The following CYSLTR1 variants were observed in gnomAD, a reference collection of about 807,000 sequenced individuals.
CYSLTR1 encodes cysteinyl leukotriene receptor 1.
CYSLTR1 carries 1 observed loss-of-function variant against 2.1 expected under a neutral mutation model. The observed-to-expected ratio is 0.48, with a 90% confidence interval of 0.17 to 2.28. CYSLTR1 has a LOEUF of 2.28. Among genes scored for constraint, CYSLTR1 ranks in the 30% most tolerant of loss-of-function variants. The probability of loss-of-function intolerance (pLI) is 0.26; values close to 1 mark genes in which losing one functional copy is unlikely to be tolerated. For synonymous variants in CYSLTR1, 110 were observed against 89.6 expected (o/e 1.23, Z -1.28); for missense variants, 299 against 250.1 (o/e 1.20, Z -1.32).
chrX:78,304,249 G>A lies in CYSLTR1; in HGVS notation c.-114-20709C>T, dbSNP rs1185815686. Among the ~76,000 whole-genome samples the A allele has an allele frequency of 2.7e-5, 3 of 111,840 alleles. No homozygotes were observed. The East Asian group carries it at 8.5e-4, about 32-fold the overall frequency. Reference sequence around the variant, plus strand: ...CTTTCTTCCTGGACTTATCCTTTTTGTTTTACAAGTTATGCCATCTCTGGT... The same window carrying A: ...CTTTCTTCCTGGACTTATCCTTTTTATTTTACAAGTTATGCCATCTCTGGT... On this transcript the variant is annotated intron_variant, in intron 1 of 2. Coordinates refer to ENST00000373304, the MANE Select transcript of CYSLTR1 (RefSeq NM_006639.4).
chrX:78,304,735 T>C (rs747366527), intron 1 of CYSLTR1, among the ~76,000 whole-genome samples: 20 of 111,274 alleles, frequency 1.8e-4, no homozygotes, highest in South Asian at 3.8e-4. Context: ...CCTAGACCCA[T>C]TTAGATTAAG....
At chrX:78,281,121 G>A (rs1249375904) in intron 2 of CYSLTR1, among the ~76,000 whole-genome samples, 2 of 111,216 alleles carry the variant, frequency 1.8e-5, no homozygotes, top group African/African-American at 6.5e-5. Context: ...TTGCTGGGTG[G>A]AATGATAGTT....
chrX:78,310,517 C>T (rs971066551), intron 1 of CYSLTR1, among the ~76,000 whole-genome samples: 1 of 112,203 alleles, frequency 8.9e-6, no homozygotes, highest in South Asian at 3.7e-4. Flanking sequence ...TGTATCAATT[C>T]GGTGCTAGAT....
chrX:78,315,201 C>T (rs1923370543), intron 1 of CYSLTR1, among the ~76,000 whole-genome samples: 1 of 108,363 alleles, frequency 9.2e-6, no homozygotes, highest in African/African-American at 3.4e-5. Context: ...GGACCTAGTC[C>T]TGGCAACACT....
chrX:78,293,092 G>A (rs1458509589), intron 1 of CYSLTR1, among the ~76,000 whole-genome samples: 1 of 111,234 alleles, frequency 9.0e-6, no homozygotes, highest in Non-Finnish European at 1.9e-5. Flanking sequence ...TTACAATTTG[G>A]CATGTTTTTG....
intron 1 of CYSLTR1, among the ~76,000 whole-genome samples, chrX:78,304,970 A>C (rs1366155856): frequency 8.9e-6 from 1 of 111,770 alleles, no homozygotes; most frequent in Non-Finnish European, 1.9e-5. Flanking sequence ...CTCTTCCCCC[A>C]GTGCATCTAC....
chrX:78,304,976 T>C (rs1194731665), intron 1 of CYSLTR1, among the ~76,000 whole-genome samples: 1 of 111,823 alleles, frequency 8.9e-6, no homozygotes, highest in Non-Finnish European at 1.9e-5. Context: ...CCCCAGTGCA[T>C]CTACATCTTG....
intron 2 of CYSLTR1, among the ~76,000 whole-genome samples, chrX:78,276,257 G>T (rs1453433107): frequency 8.9e-6 from 1 of 112,022 alleles, no homozygotes; most frequent in Non-Finnish European, 1.9e-5. Context: ...CTGTAGTGTA[G>T]AAGTAGTGAT....
At chrX:78,312,534 T>C (rs1000033134) in intron 1 of CYSLTR1, among the ~76,000 whole-genome samples, 1 of 111,959 alleles carries the variant, frequency 8.9e-6, no homozygotes, top group Non-Finnish European at 1.9e-5. Flanking sequence ...AAAGTAAATA[T>C]ACAGCTTACA....
chrX:78,299,124 T>C (rs1029703841), intron 1 of CYSLTR1, among the ~76,000 whole-genome samples: 2 of 111,828 alleles, frequency 1.8e-5, no homozygotes, highest in Non-Finnish European at 3.8e-5. Flanking sequence ...TTAACACTAT[T>C]TGCATAAACA....
intron 1 of CYSLTR1, chrX:78,320,884 G>T (rs1311256370): frequency 9.0e-6 from 1 of 111,569 alleles, no homozygotes; most frequent in Non-Finnish European, 1.9e-5. Context: ...TTGTGAATGG[G>T]AGTTCACTCA....
intron 1 of CYSLTR1, among the ~76,000 whole-genome samples, chrX:78,315,958 C>A (rs1276523162): frequency 8.9e-6 from 1 of 112,169 alleles, no homozygotes; most frequent in Non-Finnish European, 1.9e-5. Flanking sequence ...GGGTGATACC[C>A]AGTGCTGTGC....
intron 1 of CYSLTR1, chrX:78,320,079 A>C (rs1321481906): frequency 1.8e-5 from 2 of 111,822 alleles, no homozygotes; most frequent in East Asian, 2.8e-4. Flanking sequence ...CTCTGATGGT[A>C]GTTTCTTTTG....
At chrX:78,294,167 G>A (rs1466052971) in intron 1 of CYSLTR1, among the ~76,000 whole-genome samples, 2 of 112,283 alleles carry the variant, frequency 1.8e-5, no homozygotes, top group East Asian at 5.6e-4. Flanking sequence ...TGTGGTTTTG[G>A]TGTGGCTGTC....
intron 1 of CYSLTR1, among the ~76,000 whole-genome samples, chrX:78,309,661 G>A (rs1923150056): frequency 9.0e-6 from 1 of 111,664 alleles, no homozygotes; most frequent in Non-Finnish European, 1.9e-5. Context: ...TTATCAAGCA[G>A]AGTTACTCAG....
chrX:78,297,250 G>T (rs1358121376), intron 1 of CYSLTR1, among the ~76,000 whole-genome samples: 1 of 111,914 alleles, frequency 8.9e-6, no homozygotes, highest in Non-Finnish European at 1.9e-5. Context: ...ACTTGGTCAA[G>T]ATGAATGATC....
intron 1 of CYSLTR1, among the ~76,000 whole-genome samples, chrX:78,292,587 T>G (rs1034723729): frequency 9.0e-6 from 1 of 111,417 alleles, no homozygotes; most frequent in African/African-American, 3.3e-5. Flanking sequence ...CTCCCATTAT[T>G]ATTGTGTGGC....
intron 1 of CYSLTR1, among the ~76,000 whole-genome samples, chrX:78,288,792 T>G (rs2149188034): frequency 9.0e-6 from 1 of 111,291 alleles, no homozygotes; most frequent in South Asian, 3.8e-4. Flanking sequence ...TTCTGTCAAA[T>G]ACTGGGTCTT....
At chrX:78,302,096 G>A (rs1229731311) in intron 1 of CYSLTR1, among the ~76,000 whole-genome samples, 1 of 112,036 alleles carries the variant, frequency 8.9e-6, no homozygotes, top group Admixed American at 9.4e-5. Flanking sequence ...GGGAATTGTG[G>A]GAGTTTCAAA....
Sources: gnomAD v4.1 joint callset for allele counts (sites outside exome capture counted in the v4.1 genomes callset) on GRCh38, gnomAD v4.1.1 for gene constraint, MANE v1.5 for transcripts, NCBI Gene and HGNC (gene_info 2026-07-23, HGNC 2026-07-21) for gene names.